Variants in BRSK2 observed in about 807,000 individuals in gnomAD.
BRSK2 encodes the protein serine/threonine-protein kinase BRSK2.
BRSK2 carries 19 observed loss-of-function variants against 83.3 expected under a neutral mutation model. That is an observed-to-expected ratio of 0.23 (90% CI 0.16 to 0.33). The LOEUF is 0.33. Ranked by LOEUF, BRSK2 falls within the 10% of genes least tolerant of loss-of-function variation. The pLI, the probability that BRSK2 is intolerant of heterozygous loss-of-function variation, is 1.00. For synonymous variants in BRSK2, 519 were observed against 435.4 expected (o/e 1.19, Z -2.39); for missense variants, 798 against 1,042.3 (o/e 0.77, Z 3.23).
At chr11:1,401,907 A>G (rs1846505292) in intron 1 of BRSK2, among the ~76,000 whole-genome samples, 2 of 152,200 alleles carry the variant, frequency 1.3e-5, no homozygotes, top group Non-Finnish European at 2.9e-5. Flanking sequence ...GATTTTTGGC[A>G]AGATCCCAAA....
intron 1 of BRSK2, among the ~76,000 whole-genome samples, chr11:1,413,944 C>T (rs1002906518): frequency 6.6e-6 from 1 of 152,230 alleles, no homozygotes; most frequent in East Asian, 1.9e-4. Flanking sequence ...TGGGCTGCCT[C>T]CCACACTGGA....
At chr11:1,458,328 G>A (rs939982021) in intron 18 of BRSK2, among the ~76,000 whole-genome samples, 4 of 152,174 alleles carry the variant, frequency 2.6e-5, no homozygotes, top group East Asian at 1.9e-4. Context: ...TTCCTGCCCC[G>A]GACCCTGACC....
At chr11:1,453,388 G>T (rs144373205) in intron 15 of BRSK2, among the ~76,000 whole-genome samples, 1 of 152,232 alleles carries the variant, frequency 6.6e-6, no homozygotes, top group African/African-American at 2.4e-5. Context: ...TCTCTTCATC[G>T]GGCAGAACAT....
Position 1,445,577 on chromosome 11 carries a change from C to A in BRSK2, c.984C>A (p.Asn328Lys). 6.3e-7 allele frequency: 1 copy of A among 1,577,136 alleles called. No individual in the cohort carries two copies. The highest frequency in any genetic ancestry group is 1.1e-5 in the South Asian group (1 of 87,528). Residue 328 changes from asparagine to lysine, a missense_variant, in exon 11 of 20, where the codon AAC becomes AAA. By Grantham distance (94) the Asn-to-Lys change is moderately conservative (BLOSUM62 0). Around this residue, in one of 6 missense-constraint regions of BRSK2, gnomAD observed 145 missense variants for 225.4 expected, o/e 0.64. Transcript: ENST00000528841. ...CGCCTCTCGCCCGCTGTAGGGAGAA[C>A]CAGGAGAAGATGATTTACTTCCTCC... ...LLQDLLSEEE[N>K]QEKMIYFLLL...
chr11:1,433,786 C>G (rs770194504), intron 1 of BRSK2, among the ~76,000 whole-genome samples: 1 of 152,256 alleles, frequency 6.6e-6, no homozygotes, highest in Non-Finnish European at 1.5e-5. Context: ...AGAAGCAGCT[C>G]TTCCTCCATG....
chr11:1,400,818 C>T (rs140921762), intron 1 of BRSK2, among the ~76,000 whole-genome samples: 27 of 152,330 alleles, frequency 1.8e-4, no homozygotes, highest in African/African-American at 2.2e-4. Flanking sequence ...GATGAGGAGC[C>T]GGTCCAGGGC....
rs1206872354 is a variant in BRSK2 at position 1,436,239 on chromosome 11, T to TG, written c.186+112dup. Reference sequence around the variant, plus strand: ...GGGGACCTGCGGTGCTGGATGCGGGTGGGGGGGCGGGCCCTGCAGGCTCCT... The same window carrying TG: ...GGGGACCTGCGGTGCTGGATGCGGGTGGGGGGGGCGGGCCCTGCAGGCTCCT... On this transcript the variant is annotated intron_variant, in intron 2 of 19. Coordinates refer to ENST00000528841, the MANE Select transcript of BRSK2 (RefSeq NM_001256627.2). 295 of 104,508 alleles carry TG rather than the reference T, an allele frequency of 2.8e-3. 1 individual carries two copies. Among genetic ancestry groups the TG allele is most frequent in the African/African-American group, 0.025 (254 of 10,332 alleles). 6.5% of individuals were successfully genotyped at this position (104,508 alleles called of 1,614,324 possible).
At chr11:1,437,295 C>T (rs769702197) in intron 2 of BRSK2, among the ~76,000 whole-genome samples, 7 of 152,152 alleles carry the variant, frequency 4.6e-5, no homozygotes, top group Non-Finnish European at 8.8e-5. Context: ...GGCTGGCCAA[C>T]TCGCCAGGGC....
chr11:1,395,767 C>T lies in BRSK2; in HGVS notation c.91+5392C>T, dbSNP rs181675981. Among the ~76,000 whole-genome samples the T allele has an allele frequency of 3.0e-4, 46 of 152,326 alleles. 1 individual carries two copies. Among genetic ancestry groups the T allele is most frequent in the Middle Eastern group, 6.8e-3 (2 of 294 alleles). On this transcript the variant is annotated intron_variant, in intron 1 of 19. Transcript: ENST00000528841. ...CTGCTCTGCTGAGGTGCGTGCACGC[C>T]GTGGATTTCCTGGATGTGGAAGCCT...
chr11:1,404,900 C>T (rs1034460304), intron 1 of BRSK2, among the ~76,000 whole-genome samples: 4 of 152,080 alleles, frequency 2.6e-5, no homozygotes, highest in Non-Finnish European at 5.9e-5. Context: ...CCGCAGGGCC[C>T]TGCGTGGAGT....
In BRSK2 at chr11:1,449,632, G is replaced by A. The variant is rs1002295538; in HGVS notation, c.1227-144G>A. On this transcript the variant is annotated intron_variant, in intron 12 of 19. Transcript: ENST00000528841. ...GCCCTGGGCCCTCCTGAATTGACAGGGTGTGCAGCAGGACCCAGGGCCTCG... is the reference window on the plus strand; with the variant it reads ...GCCCTGGGCCCTCCTGAATTGACAGAGTGTGCAGCAGGACCCAGGGCCTCG... 2.8e-5 allele frequency: 18 copies of A among 646,834 alleles called. No homozygotes were observed. In the African/African-American group the frequency reaches 3.0e-4, roughly 11 times the overall value. The allele number at this position is 646,834 out of a possible 1,614,324, so 40.1% of individuals were successfully genotyped here. A position where few individuals can be genotyped will look rare whatever the true frequency, so the allele number is the denominator to read the frequency against.
At position 1,461,775 on chromosome 11, in the gene BRSK2, G is replaced by C. The variant is rs1355378553; in HGVS notation, c.*1052G>C. 6.6e-6 allele frequency: 1 copy of C among 151,946 alleles called. No individual in the cohort carries two copies. Among genetic ancestry groups the C allele is most frequent in the African/African-American group, 2.4e-5 (1 of 41,332 alleles). 9.4% of individuals were successfully genotyped at this position (151,946 alleles called of 1,614,324 possible). A position where few individuals can be genotyped will look rare whatever the true frequency, so the allele number is the denominator to read the frequency against. On this transcript the variant is annotated 3_prime_UTR_variant, in exon 20 of 20. Coordinates refer to ENST00000528841, the MANE Select transcript of BRSK2 (RefSeq NM_001256627.2). ...CTTGGTGGTTTTTGGAAAAGGGTGTGGGGGTGGGGGCGCCGCTGGGGCAGG... is the reference window on the plus strand; with the variant it reads ...CTTGGTGGTTTTTGGAAAAGGGTGTCGGGGTGGGGGCGCCGCTGGGGCAGG...
Position 1,438,053 on chromosome 11 carries a change from C to T in BRSK2, c.187-253C>T, listed in dbSNP as rs1338853554. Among the ~76,000 whole-genome samples, 1 of 150,032 alleles carries T rather than the reference C, an allele frequency of 6.7e-6. No individual in the cohort carries two copies. The highest frequency in any genetic ancestry group is 1.5e-5 in the Non-Finnish European group (1 of 67,338). On this transcript the variant is annotated intron_variant, in intron 2 of 19. Coordinates refer to ENST00000528841, the MANE Select transcript of BRSK2 (RefSeq NM_001256627.2). The surrounding 1 kb of genome is among the most constrained non-coding windows in gnomAD (Gnocchi z 6.4). The stretch of plus-strand genomic sequence containing the variant: ...TCCCCCACAGCTGGCACCAAAGGCC[C>T]CTGCGTCCCCCACAGCTGGCACCAA...
Position 1,451,736 on chromosome 11 carries a change from C to T in BRSK2, c.1544+317C>T, listed in dbSNP as rs1453163946. ...GCCTGAGCTCGCCAAGGGCAGAGAC[C>T]GGGTCGCTCAGGTCTCAAGGAGAAA... is the stretch of plus-strand genomic sequence containing the variant. On this transcript the variant is annotated intron_variant, in intron 15 of 19. Transcript: ENST00000528841. Among the ~76,000 whole-genome samples the T allele has an allele frequency of 3.3e-5, 5 of 152,148 alleles. No homozygotes were observed. The East Asian group carries it at 9.6e-4, about 29-fold the overall frequency.
chr11:1,411,151 C>A, intron 1 of BRSK2: 3 of 1,223,214 alleles, frequency 2.5e-6, no homozygotes, highest in Non-Finnish European at 3.1e-6. Context: ...GTGGGGGCTC[C>A]AGTCTCAGGC....
At chr11:1,422,305 G>A (rs532280659) in intron 1 of BRSK2, among the ~76,000 whole-genome samples, 1 of 152,294 alleles carries the variant, frequency 6.6e-6, no homozygotes, top group South Asian at 2.1e-4. Context: ...CCCAGGTGGG[G>A]CCTGCCCTCC....
In BRSK2 at chr11:1,442,475, C is replaced by T; in HGVS notation, c.414-15C>T. ...AGAGACTGGCCCTGTTCAGCCTCAC[C>T]ACCCTCCTCCCCAGCCACAGGGATC... is the stretch of plus-strand genomic sequence containing the variant. On this transcript the variant is annotated splice_polypyrimidine_tract_variant and intron_variant, in intron 4 of 19. Transcript: ENST00000528841. The T allele has an allele frequency of 6.2e-7, 1 of 1,605,608 alleles. No individual in the cohort carries two copies.
chr11:1,437,165 G>A, intron 2 of BRSK2, among the ~76,000 whole-genome samples: 1 of 152,030 alleles, frequency 6.6e-6, no homozygotes, highest in Admixed American at 6.5e-5. Flanking sequence ...TGCTGAATTT[G>A]GGAGGTGCCT....
In BRSK2 at chr11:1,390,303, G is replaced by C. The variant is rs533360037; in HGVS notation, c.19G>C (p.Asp7His). ...CAGAGCGATGACATCGACGGGGAAG[G>C]ACGGCGGCGCGCAGCACGCGCAGTA... MTSTGKDGGAQHAQYVG... is the reference protein window; with the variant it reads MTSTGKHGGAQHAQYVG... The change falls in exon 1 of 20, where the codon GAC (aspartate) becomes CAC (histidine). Residue 7 changes from aspartate (D) to histidine (H), a missense_variant. Transcript: ENST00000528841. The surrounding 1 kb of genome is among the most constrained non-coding windows in gnomAD (Gnocchi z 6.8). The C allele has an allele frequency of 1.9e-6, 2 of 1,039,550 alleles. No homozygotes were observed. The highest frequency in any genetic ancestry group is 8.6e-5 in the South Asian group (2 of 23,326). The allele number at this position is 1,039,550 out of a possible 1,614,324, so 64.4% of individuals were successfully genotyped here. A position where few individuals can be genotyped will look rare whatever the true frequency, so the allele number is the denominator to read the frequency against.
Sources: gnomAD v4.1 joint callset for allele counts (sites outside exome capture counted in the v4.1 genomes callset) on GRCh38, gnomAD v4.1.1 for gene constraint, gnomAD v4.1.1 regional missense constraint, Gnocchi (gnomAD v3.1) non-coding constraint, MANE v1.5 for transcripts, NCBI Gene and HGNC (gene_info 2026-07-23, HGNC 2026-07-21) for gene names.